CNIH3: variants seen among roughly 807,000 people sequenced by gnomAD.
CNIH3 encodes cornichon family AMPA receptor auxiliary protein 3, also known as protein cornichon homolog 3.
Under a neutral mutation model 24.1 loss-of-function variants are expected in CNIH3, and 14 were observed. The observed-to-expected ratio is 0.58, with a 90% CI of 0.38 to 0.91. The LOEUF (loss-of-function observed/expected upper bound fraction) is 0.91, where lower values mean the gene tolerates loss of function less well. Ranked by LOEUF, CNIH3 falls within the 40% of genes least tolerant of loss-of-function variation. CNIH3 has a pLI of 0.00. For missense variants in CNIH3, 178 were observed against 196.8 expected (o/e 0.90, Z 0.57); for synonymous variants, 68 against 73.8 (o/e 0.92, Z 0.40).
chr1:224,457,047 G>A (rs1675693355), intron 1 of CNIH3, among the ~76,000 whole-genome samples: 1 of 152,216 alleles, frequency 6.6e-6, no homozygotes, highest in Admixed American at 6.5e-5. Flanking sequence ...CCTGGATGTG[G>A]CGAGGGGAGA....
intron 2 of CNIH3, among the ~76,000 whole-genome samples, chr1:224,683,248 A>G (rs1191923199): frequency 2.0e-5 from 3 of 152,240 alleles, no homozygotes; most frequent in Non-Finnish European, 2.9e-5. Context: ...CCTGGGCCCT[A>G]TGAAGCTCAT....
chr1:224,575,089 A>G, intron 4 of CNIH3: 1 of 878,790 alleles, frequency 1.1e-6, no homozygotes, highest in African/African-American at 1.6e-5. Flanking sequence ...AGCTCCCCCG[A>G]CAGGCCCTGG....
chr1:224,448,099 T>C (rs1675239466), intron 1 of CNIH3, among the ~76,000 whole-genome samples: 1 of 152,112 alleles, frequency 6.6e-6, no homozygotes. Context: ...CAGCCAGGCA[T>C]GGTGGCGGAT....
Position 224,601,574 on chromosome 1 carries a change from T to A in CNIH3, n.402+35310T>A, listed in dbSNP as rs924972635. 2.6e-5 allele frequency among the ~76,000 whole-genome samples: 4 copies of A among 152,126 alleles called. No individual in the cohort carries two copies. In the East Asian group the frequency reaches 7.7e-4, roughly 29 times the overall value. ...GTGTGACAACTGCCCGACAATCACCTGATGGTCGTCTGACATTCCTAGTGT... is the reference window on the plus strand; with the variant it reads ...GTGTGACAACTGCCCGACAATCACCAGATGGTCGTCTGACATTCCTAGTGT... On this transcript the variant is annotated intron_variant and non_coding_transcript_variant, in intron 3 of 7. Transcript: ENST00000478120.
chr1:224,661,883 A>C (rs769106154), intron 1 of CNIH3: 14 of 166,410 alleles, frequency 8.4e-5, no homozygotes, highest in Non-Finnish European at 1.5e-4. Flanking sequence ...GTAATCCACC[A>C]CATTTTATCA....
At chr1:224,620,965 C>G (rs906045747) in intron 1 of CNIH3, among the ~76,000 whole-genome samples, 3 of 152,356 alleles carry the variant, frequency 2.0e-5, no homozygotes, top group African/African-American at 7.2e-5. Context: ...CTTCTCTGCT[C>G]CGGCTCGGTT....
At chr1:224,689,932 A>G (rs1686848220) in intron 3 of CNIH3, among the ~76,000 whole-genome samples, 1 of 152,024 alleles carries the variant, frequency 6.6e-6, no homozygotes, top group Non-Finnish European at 1.5e-5. Flanking sequence ...GGGCCCCTAC[A>G]AAGTGCAGGT....
At chr1:224,622,634 C>A (rs949377172) in intron 1 of CNIH3, among the ~76,000 whole-genome samples, 2 of 152,208 alleles carry the variant, frequency 1.3e-5, no homozygotes, top group African/African-American at 4.8e-5. Context: ...GGTTTCAAGG[C>A]CTCACTGGGG....
chr1:224,588,047 G>A (rs2125023765), intron 5 of CNIH3, among the ~76,000 whole-genome samples: 1 of 152,040 alleles, frequency 6.6e-6, no homozygotes, highest in South Asian at 2.1e-4. Flanking sequence ...TTTAGTTACA[G>A]TATCTAAATG....
chr1:224,684,716 G>T lies in CNIH3; in HGVS notation c.151-80G>T. ...GGTGGCTTCTGCCTCCACTATTGGG[G>T]CTGATTGCGGGGCCTTCTCATGCTA... On this transcript the variant is annotated intron_variant, in intron 2 of 5. Coordinates refer to ENST00000272133, the MANE Select transcript of CNIH3 (RefSeq NM_152495.2). The surrounding 1 kb of genome is among the most constrained non-coding windows in gnomAD (Gnocchi z 4.2). 7.8e-7 allele frequency: 1 copy of T among 1,290,224 alleles called. No individual in the cohort carries two copies. Among genetic ancestry groups the T allele is most frequent in the Non-Finnish European group, 1.1e-6 (1 of 885,858 alleles). 79.9% of individuals were successfully genotyped at this position (1,290,224 alleles called of 1,614,324 possible). A position where few individuals can be genotyped will look rare whatever the true frequency, so the allele number is the denominator to read the frequency against.
At chr1:224,659,727 C>G (rs1484963190) in intron 1 of CNIH3, among the ~76,000 whole-genome samples, 1 of 152,154 alleles carries the variant, frequency 6.6e-6, no homozygotes, top group South Asian at 2.1e-4. Flanking sequence ...AAGAAAACAT[C>G]GCTTTTCTAG....
At chr1:224,462,550 TCTCGAAATCCTGGC>T (rs1572289547) in intron 1 of CNIH3, among the ~76,000 whole-genome samples, 2 of 151,208 alleles carry the variant, frequency 1.3e-5, no homozygotes, top group East Asian at 3.9e-4. Context: ...GCCAGGCTGG[TCTCGAAATCCTGGC>T]CTCAAGCAAT....
At position 224,546,994 on chromosome 1, in the gene CNIH3, T is replaced by C. The variant is rs966915006; in HGVS notation, n.450+55T>C. On this transcript the variant is annotated intron_variant and non_coding_transcript_variant, in intron 3 of 5. Transcript: ENST00000471578. ...GAATTAGGACTTTTGAAGTAGTAAT[T>C]GGTAGTGGTAAGATGGGTGAGTGAG... 6.5e-6 allele frequency: 5 copies of C among 770,622 alleles called. No individual in the cohort carries two copies. In the African/African-American group the frequency reaches 7.7e-5, roughly 12 times the overall value. 47.7% of individuals were successfully genotyped at this position (770,622 alleles called of 1,614,324 possible).
intron 1 of CNIH3, among the ~76,000 whole-genome samples, chr1:224,474,062 A>G (rs1222573784): frequency 6.6e-6 from 1 of 152,208 alleles, no homozygotes; most frequent in African/African-American, 2.4e-5. Context: ...GTCAATGAAG[A>G]GATAAAAAAA....
At chr1:224,443,709 A>ATTTTTT (rs200142506) in intron 1 of CNIH3, among the ~76,000 whole-genome samples, 2 of 149,376 alleles carry the variant, frequency 1.3e-5, no homozygotes, top group African/African-American at 4.9e-5. Context: ...ATATATATAT[A>ATTTTTT]TATTTTTTTA....
At chr1:224,471,242 C>T (rs368076208) in intron 1 of CNIH3, among the ~76,000 whole-genome samples, 2 of 152,074 alleles carry the variant, frequency 1.3e-5, no homozygotes, top group Admixed American at 6.5e-5. Flanking sequence ...GTCAGGAGTT[C>T]GAGACCAGAA....
At chr1:224,720,717 T>C (rs1688676205) in intron 3 of CNIH3, among the ~76,000 whole-genome samples, 1 of 152,186 alleles carries the variant, frequency 6.6e-6, no homozygotes, top group Non-Finnish European at 1.5e-5. Flanking sequence ...CACCATGCTC[T>C]TCCTTGTCAG....
At chr1:224,728,706 G>C (rs1689165299) in intron 3 of CNIH3, among the ~76,000 whole-genome samples, 1 of 152,206 alleles carries the variant, frequency 6.6e-6, no homozygotes, top group South Asian at 2.1e-4. Flanking sequence ...CAAAGTCATG[G>C]TCCATACCCA....
At chr1:224,505,179 G>A (rs138878743) in intron 1 of CNIH3, among the ~76,000 whole-genome samples, 6 of 151,900 alleles carry the variant, frequency 3.9e-5, no homozygotes, top group South Asian at 2.1e-4. Context: ...ATGGTAGTGC[G>A]CGCCTGTAGT....
Sources: gnomAD v4.1 joint callset for allele counts (sites outside exome capture counted in the v4.1 genomes callset) on GRCh38, gnomAD v4.1.1 for gene constraint, Gnocchi (gnomAD v3.1) non-coding constraint, MANE v1.5 for transcripts, NCBI Gene and HGNC (gene_info 2026-07-23, HGNC 2026-07-21) for gene names.